SCN7A: variants seen among roughly 807,000 people sequenced by gnomAD.
SCN7A encodes sodium voltage-gated channel alpha subunit 7, also known as sodium channel protein type 7 subunit alpha.
Under a neutral mutation model 155.2 loss-of-function variants are expected in SCN7A, and 138 were observed. That is an observed-to-expected ratio of 0.89 (90% confidence interval 0.77 to 1.02). The LOEUF is 1.02. Ranked by LOEUF, SCN7A falls within the 50% of genes least tolerant of loss-of-function variation. SCN7A has a pLI of 0.00. For missense variants in SCN7A, 2,058 were observed against 1,986.6 expected (o/e 1.04, Z -0.68); for synonymous variants, 693 against 649.0 (o/e 1.07, Z -1.03).
Position 166,412,649 on chromosome 2 carries a change from A to G in SCN7A, c.3487T>C (p.Phe1163Leu). 1 of 1,513,290 alleles carries G rather than the reference A, an allele frequency of 6.6e-7. No homozygotes were observed. The allele number at this position is 1,513,290 out of a possible 1,614,324, so 93.7% of individuals were successfully genotyped here. Residue 1163 changes from phenylalanine (F) to leucine (L), a missense_variant, in exon 23 of 26, where the codon TTT (phenylalanine) becomes CTT (leucine). Transcript: ENST00000643258. The stretch of plus-strand genomic sequence containing the variant: ...CAATACATGTAGATGTTGACTTCAA[A>G]ATGAGGCTGTATATTAACCTAGAAG... ...DSVAVNIQPH[F>L]EVNIYMYCYF...
chr2:166,447,552 A>T, intron 12 of SCN7A, 60 bp downstream of exon 12: 1 of 1,132,554 alleles, frequency 8.8e-7, no homozygotes, highest in Non-Finnish European at 1.3e-6. Context: ...GAATTTCTTT[A>T]AAAGTGAATT....
At chr2:166,430,565 CG>C (rs1296401702) in intron 16 of SCN7A, among the ~76,000 whole-genome samples, 1 of 151,206 alleles carries the variant, frequency 6.6e-6, no homozygotes, top group Non-Finnish European at 1.5e-5. Context: ...TCCAAAATAC[CG>C]GTGAGTAGGT....
intron 23 of SCN7A, 47 bp from the exon 24 acceptor site, chr2:166,410,371 T>G (rs539166765): frequency 2.5e-5 from 33 of 1,342,774 alleles, no homozygotes; most frequent in Non-Finnish European, 3.3e-5. Flanking sequence ...TTAATCCAAA[T>G]TTTCCCTTAT....
chr2:166,417,003 T>G lies in SCN7A; in HGVS notation c.3136-18A>C, dbSNP rs377610647. ...ACAACCACCTGGTATATATAAAAAA[T>G]GTAAACTTTAGATAGGAAATCTGAA... On this transcript the variant is annotated intron_variant, in intron 20 of 25. Transcript: ENST00000643258. 13 of 1,530,190 alleles carry G rather than the reference T, an allele frequency of 8.5e-6. No homozygotes were observed. Among genetic ancestry groups the G allele is most frequent in the African/African-American group, 1.4e-5 (1 of 71,822 alleles). The allele number at this position is 1,530,190 out of a possible 1,614,324, so 94.8% of individuals were successfully genotyped here.
Position 166,444,853 on chromosome 2 carries a change from A to G in SCN7A, c.1535T>C (p.Ile512Thr), listed in dbSNP as rs1208282104. The G allele has an allele frequency of 6.2e-7, 1 of 1,612,402 alleles. No homozygotes were observed. The highest frequency in any genetic ancestry group is 2.2e-5 in the East Asian group (1 of 44,786). ...ACATACGTTTAAAATTATGCATATG[A>G]TAAGGAAAAGATCAGTAAATGGTGC... is the stretch of plus-strand genomic sequence containing the variant. The part of the protein sequence containing the change: ...IMAPFTDLFL[I>T]ICIILNVCFL... Residue 512 changes from isoleucine (I) to threonine (T), a missense_variant, in exon 13 of 26, where the codon ATC (isoleucine) becomes ACC (threonine). By Grantham distance (89) the Ile-to-Thr change is moderately conservative (BLOSUM62 -1). Coordinates refer to ENST00000643258, the MANE Select transcript of SCN7A (RefSeq NM_002976.4).
rs1293148980 is a variant in SCN7A, at chr2:166,445,008, G to T, written c.1388-8C>A. The T allele has an allele frequency of 1.9e-6, 3 of 1,555,866 alleles. No individual in the cohort carries two copies. The highest frequency in any genetic ancestry group is 2.7e-6 in the Non-Finnish European group (3 of 1,129,342). On this transcript the variant is annotated splice_region_variant and splice_polypyrimidine_tract_variant and intron_variant, in intron 12 of 25. Transcript: ENST00000643258. ...TCTTGGATTTTTCAAGTTCTGAAAT[G>T]AAAGAATACAAAAGTTAAACATTCT...
chr2:166,440,966 G>A (rs1575028686), intron 15 of SCN7A: 3 of 200,812 alleles, frequency 1.5e-5, no homozygotes, highest in East Asian at 2.3e-4. Flanking sequence ...GGTATGGCAG[G>A]AGATTCCATT....
chr2:166,456,601 T>C (rs1456528405), intron 11 of SCN7A, among the ~76,000 whole-genome samples: 2 of 151,998 alleles, frequency 1.3e-5, no homozygotes, highest in South Asian at 2.1e-4. Context: ...ACCTTAACTC[T>C]AACCTTGGCC....
chr2:166,462,612 C>G (rs1702439823), intron 9 of SCN7A, 82 bp from the exon 10 acceptor site: 1 of 1,350,752 alleles, frequency 7.4e-7, no homozygotes. Flanking sequence ...GAACATCAGT[C>G]CTGAGTAATA....
At chr2:166,439,609 A>G (rs971761381) in intron 15 of SCN7A, among the ~76,000 whole-genome samples, 5 of 152,194 alleles carry the variant, frequency 3.3e-5, no homozygotes, top group Admixed American at 6.5e-5. Flanking sequence ...TGAGTTATGT[A>G]TGCTGATATA....
chr2:166,425,733 C>T (rs1256443560), intron 18 of SCN7A, among the ~76,000 whole-genome samples: 1 of 152,060 alleles, frequency 6.6e-6, no homozygotes, highest in African/African-American at 2.4e-5. Context: ...TTTGCCCGAA[C>T]CATTGTGATT....
rs1168819758 is a variant in SCN7A, at chr2:166,467,522, G to T, written c.665-1535C>A. 5.4e-5 allele frequency among the ~76,000 whole-genome samples: 8 copies of T among 148,708 alleles called. No homozygotes were observed. The Admixed American group carries it at 5.4e-4, about 10-fold the overall frequency. On this transcript the variant is annotated intron_variant, in intron 7 of 25. Coordinates refer to ENST00000643258, the MANE Select transcript of SCN7A (RefSeq NM_002976.4). ...ATATACACACACACACACACAGATA[G>T]ATAGATAGATAATTTCCATCATATA...
intron 15 of SCN7A, among the ~76,000 whole-genome samples, chr2:166,437,486 CCA>C (rs1491569972): frequency 6.6e-6 from 1 of 152,154 alleles, no homozygotes; most frequent in Non-Finnish European, 1.5e-5. Context: ...GTTGGAGCCC[CCA>C]CACAGAGTCC....
intron 18 of SCN7A, among the ~76,000 whole-genome samples, chr2:166,426,128 T>C (rs1251596937): frequency 6.6e-6 from 1 of 152,096 alleles, no homozygotes; most frequent in Non-Finnish European, 1.5e-5. Flanking sequence ...GGTAGACCTC[T>C]TTAGGATTTG....
chr2:166,465,332 C>G, intron 9 of SCN7A, 130 bp downstream of exon 9: 1 of 708,788 alleles, frequency 1.4e-6, no homozygotes, highest in Non-Finnish European at 2.4e-6. Flanking sequence ...AAGACAACTT[C>G]TCAGTATGGT....
chr2:166,443,410 A>C, intron 14 of SCN7A, 93 bp downstream of exon 14: 2 of 1,028,276 alleles, frequency 1.9e-6, no homozygotes, highest in Non-Finnish European at 2.8e-6. Context: ...CCAATGTCCC[A>C]ATGGGATAGG....
chr2:166,421,443 A>T, intron 19 of SCN7A, 146 bp from the exon 20 acceptor site: 1 of 439,846 alleles, frequency 2.3e-6, no homozygotes. Flanking sequence ...ATACTTCAAA[A>T]TACATTAATA....
chr2:166,457,035 C>T lies in SCN7A; in HGVS notation c.1125G>A (p.Val375=), dbSNP rs1033581518. The change falls in exon 11 of 26, where the codon GTG becomes GTA. Residue 375 remains valine, a synonymous_variant. Coordinates refer to ENST00000643258, the MANE Select transcript of SCN7A (RefSeq NM_002976.4). ...ASGKVYMIFF[V]VVSFLFSFYM... ...AAAAGGAAAACAAAAAACTTACCACCACAAAAAATATCATGTAGACCTTCC... is the reference window on the plus strand; with the variant it reads ...AAAAGGAAAACAAAAAACTTACCACTACAAAAAATATCATGTAGACCTTCC... 1 of 1,610,284 alleles carries T rather than the reference C, an allele frequency of 6.2e-7. No homozygotes were observed. Among genetic ancestry groups the T allele is most frequent in the Non-Finnish European group, 8.5e-7 (1 of 1,178,652 alleles).
At chr2:166,490,122 C>A (rs1683052180) in intron 1 of SCN7A, among the ~76,000 whole-genome samples, 1 of 151,952 alleles carries the variant, frequency 6.6e-6, no homozygotes, top group African/African-American at 2.4e-5. Context: ...AAAATCTATT[C>A]CTTTAGCATT....
Sources: gnomAD v4.1 joint callset for allele counts (sites outside exome capture counted in the v4.1 genomes callset) on GRCh38, gnomAD v4.1.1 for gene constraint, MANE v1.5 for transcripts, NCBI Gene and HGNC (gene_info 2026-07-23, HGNC 2026-07-21) for gene names.